Variants in OR2D2 observed in about 807,000 individuals in gnomAD.
OR2D2 encodes the protein olfactory receptor 2D2.
In OR2D2, 20 loss-of-function variants were observed where a neutral mutation model predicts 16.0. The observed-to-expected ratio is 1.25, with a 90% CI of 0.88 to 1.82. OR2D2 has a LOEUF of 1.82. OR2D2 is among the 40% of genes most tolerant of loss of function. The probability of loss-of-function intolerance (pLI) is 0.00; values close to 1 mark genes in which losing one functional copy is unlikely to be tolerated. For synonymous variants in OR2D2, 164 were observed against 143.9 expected, an observed-to-expected ratio of 1.14 and a Z score of -1.00; for missense variants, 409 against 369.3, an observed-to-expected ratio of 1.11 and a Z score of -0.88.
Position 6,891,704 on chromosome 11 carries a change from T to C in OR2D2, c.797A>G (p.Lys266Arg), listed in dbSNP as rs1374892839. Reference sequence around the variant, plus strand: ...AACAGACACCGATTTTTCCTGCTGTTTGGAAGACTTGGGTGTCATGTAAGT... The same window carrying C: ...AACAGACACCGATTTTTCCTGCTGTCTGGAAGACTTGGGTGTCATGTAAGT... ...IITYMTPKSS[K>R]QQEKSVSVFY... Residue 266 changes from lysine (K) to arginine (R), a missense_variant, in exon 1 of 1, where the codon AAA (lysine) becomes AGA (arginine). By Grantham distance (26) the Lys-to-Arg change is conservative (BLOSUM62 2). Transcript: ENST00000299459. 2 of 1,613,596 alleles carry C rather than the reference T, an allele frequency of 1.2e-6. No homozygotes were observed. Among genetic ancestry groups the C allele is most frequent in the Non-Finnish European group, 1.7e-6 (2 of 1,179,796 alleles).
rs1182507020 is a variant in OR2D2 at position 6,891,851 on chromosome 11, G to A, written c.650C>T (p.Ser217Phe). The change falls in exon 1 of 1, where the codon TCC (serine) becomes TTC (phenylalanine). Residue 217 changes from serine to phenylalanine, a missense_variant. By Grantham distance (155) the Ser-to-Phe change is radical. Coordinates refer to ENST00000299459, the MANE Select transcript of OR2D2 (RefSeq NM_003700.1). ...LLIPVFLILV[S>F]YGRIIVTVVK... is the part of the protein sequence containing the mutation. ...CACAGTTACTATGATACGGCCATAG[G>A]ATACCAGAATCAGAAAAACAGGTAT... The A allele has an allele frequency of 2.5e-6, 4 of 1,613,644 alleles. No individual in the cohort carries two copies. The highest frequency in any genetic ancestry group is 3.4e-6 in the Non-Finnish European group (4 of 1,179,862).
chr11:6,891,718 T>C lies in OR2D2; in HGVS notation c.783A>G (p.Thr261=), dbSNP rs745662413. 14 of 1,613,670 alleles carry C rather than the reference T, an allele frequency of 8.7e-6. No individual in the cohort carries two copies. Among genetic ancestry groups the C allele is most frequent in the Non-Finnish European group, 1.2e-5 (14 of 1,179,784 alleles). ...FYGSAIITYM[T]PKSSKQQEKS... ...TTTCCTGCTGTTTGGAAGACTTGGG[T>C]GTCATGTAAGTGATAATTGCTGATC... Residue 261 remains threonine, a synonymous_variant, in exon 1 of 1, where the codon ACA becomes ACG. Transcript: ENST00000299459.
chr11:6,892,272 T>C lies in OR2D2; in HGVS notation c.229A>G (p.Ile77Val), dbSNP rs752084231. Residue 77 changes from isoleucine (I) to valine (V), a missense_variant, in exon 1 of 1, where the codon ATA (isoleucine) becomes GTA (valine). By Grantham distance (29) the Ile-to-Val change is conservative. Transcript: ENST00000299459. The part of the protein sequence containing the change: ...SLADLCFSTN[I>V]VPQALVHLLS... ...AGGTGGACTAGTGCCTGAGGAACTA[T>C]GTTGGTAGAGAAACAGAGGTCAGCC... 4.3e-6 allele frequency: 7 copies of C among 1,613,758 alleles called. No homozygotes were observed. Among genetic ancestry groups the C allele is most frequent in the Non-Finnish European group, 5.9e-6 (7 of 1,179,880 alleles).
Position 6,892,133 on chromosome 11 carries a change from T to C in OR2D2, c.368A>G (p.Tyr123Cys), listed in dbSNP as rs772990687. Residue 123 changes from tyrosine (Y) to cysteine (C), a missense_variant, in exon 1 of 1, where the codon TAT (tyrosine) becomes TGT (cysteine). Transcript: ENST00000299459. ...ALLAVMSYDR[Y>C]VAICNPLRYP... Reference sequence around the variant, plus strand: ...ACGCAGAGGATTGCAGATTGCAACATAGCGATCATAGGACATCACTGCAAG... The same window carrying C: ...ACGCAGAGGATTGCAGATTGCAACACAGCGATCATAGGACATCACTGCAAG... 19 of 1,613,628 alleles carry C rather than the reference T, an allele frequency of 1.2e-5. No individual in the cohort carries two copies. Among genetic ancestry groups the C allele is most frequent in the African/African-American group, 2.7e-5 (2 of 74,856 alleles).
chr11:6,892,083 C>G lies in OR2D2; in HGVS notation c.418G>C (p.Val140Leu). The G allele has an allele frequency of 1.2e-6, 2 of 1,613,866 alleles. No homozygotes were observed. Among genetic ancestry groups the G allele is most frequent in the South Asian group, 1.1e-5 (1 of 91,074 alleles). ...LRYPNIMTWK[V>L]CVQLATGSWT... ...GATCCTGTTGCCAGCTGGACACACA[C>G]TTTCCAGGTCATGATGTTAGGGTAA... Residue 140 changes from valine (V) to leucine (L), a missense_variant, in exon 1 of 1, where the codon GTG (valine) becomes CTG (leucine). By Grantham distance (32) the Val-to-Leu change is conservative (BLOSUM62 1). Coordinates refer to ENST00000299459, the MANE Select transcript of OR2D2 (RefSeq NM_003700.1).
chr11:6,891,621 C>T lies in OR2D2; in HGVS notation c.880G>A (p.Asp294Asn). 2 of 1,613,594 alleles carry T rather than the reference C, an allele frequency of 1.2e-6. No individual in the cohort carries two copies. Among genetic ancestry groups the T allele is most frequent in the South Asian group, 1.1e-5 (1 of 91,058 alleles). The change falls in exon 1 of 1, where the codon GAT becomes AAT. Residue 294 changes from aspartate to asparagine, a missense_variant. Asp to Asn is a conservative substitution (Grantham distance 23). Coordinates refer to ENST00000299459, the MANE Select transcript of OR2D2 (RefSeq NM_003700.1). The stretch of plus-strand genomic sequence containing the variant: ...ACTTTCCTCAGAGCTGCCTTCACAT[C>T]CTTGTTTCTCAGGCTATAGATGAGG... ...NPLIYSLRNK[D>N]VKAALRKVAT...
Position 6,891,940 on chromosome 11 carries a change from T to C in OR2D2, c.561A>G (p.Leu187=). 1.2e-6 allele frequency: 2 copies of C among 1,613,690 alleles called. No homozygotes were observed. Among genetic ancestry groups the C allele is most frequent in the South Asian group, 2.2e-5 (2 of 91,076 alleles). ...CTGATGCATGGGTGTCTGTGGATGC[T>C]AAGATCAATAGTGCAGGGGCCTCAC... The part of the protein sequence containing the change: ...FFCEAPALLI[L]ASTDTHASEM... The change falls in exon 1 of 1, where the codon TTA becomes TTG. Residue 187 remains leucine, a synonymous_variant. Coordinates refer to ENST00000299459, the MANE Select transcript of OR2D2 (RefSeq NM_003700.1).
chr11:6,891,674 T>A lies in OR2D2; in HGVS notation c.827A>T (p.Tyr276Phe). Residue 276 changes from tyrosine (Y) to phenylalanine (F), a missense_variant, in exon 1 of 1, where the codon TAT becomes TTT. Coordinates refer to ENST00000299459, the MANE Select transcript of OR2D2 (RefSeq NM_003700.1). Reference protein sequence around the residue: ...KQQEKSVSVFYAIVTPMLNPL... With the variant: ...KQQEKSVSVFFAIVTPMLNPL... Reference sequence around the variant, plus strand: ...ATTAAGCATGGGAGTCACTATTGCATAGAAAACAGACACCGATTTTTCCTG... The same window carrying A: ...ATTAAGCATGGGAGTCACTATTGCAAAGAAAACAGACACCGATTTTTCCTG... The A allele has an allele frequency of 6.2e-7, 1 of 1,613,176 alleles. No individual in the cohort carries two copies. Among genetic ancestry groups the A allele is most frequent in the Non-Finnish European group, 8.5e-7 (1 of 1,179,766 alleles).
chr11:6,892,379 C>A lies in OR2D2; in HGVS notation c.122G>T (p.Gly41Val). Reference sequence around the variant, plus strand: ...AACAAGGGAGATTAGAAGCAGATTTCCAAGCACAGTGACCAGGTAGACACC... The same window carrying A: ...AACAAGGGAGATTAGAAGCAGATTTACAAGCACAGTGACCAGGTAGACACC... ...LLGVYLVTVL[G>V]NLLLISLVHV... Residue 41 changes from glycine (G) to valine (V), a missense_variant, in exon 1 of 1, where the codon GGA becomes GTA. Transcript: ENST00000299459. 1 of 1,613,620 alleles carries A rather than the reference C, an allele frequency of 6.2e-7. No individual in the cohort carries two copies. The highest frequency in any genetic ancestry group is 8.5e-7 in the Non-Finnish European group (1 of 1,179,784).
At position 6,891,690 on chromosome 11, in the gene OR2D2, A is replaced by AT. The variant is rs10566026; in HGVS notation, c.810dup (p.Ser271IlefsTer14). On this transcript the variant is annotated frameshift_variant, in exon 1 of 1. Transcript: ENST00000299459. LOFTEE classifies it high-confidence loss of function. Reference sequence around the variant, plus strand: ...ACTATTGCATAGAAAACAGACACCGATTTTTCCTGCTGTTTGGAAGACTTG... The same window carrying AT: ...ACTATTGCATAGAAAACAGACACCGATTTTTTCCTGCTGTTTGGAAGACTTG... 6.2e-7 allele frequency: 1 copy of AT among 1,613,560 alleles called. No homozygotes were observed. The highest frequency in any genetic ancestry group is 8.5e-7 in the Non-Finnish European group (1 of 1,179,790).
chr11:6,892,321 A>AAC lies in OR2D2; in HGVS notation c.179_180insGT (p.Tyr60Ter). ...CCAGAGACAAGTTGCAGAGAAAAAA[A>AAC]TACATGGGTGTGTGAAGTTGGGAGT... The part of the protein sequence containing the change: ...HVDSQLHTPM[Y>*]FFLCNLSLAD... Residue 60 changes from tyrosine (Y) to a stop codon, truncating the protein, a stop_gained and frameshift_variant, in exon 1 of 1, where the codon TAT (tyrosine) becomes TAGTT (stop). Transcript: ENST00000299459. LOFTEE classifies it high-confidence loss of function. 6.2e-7 allele frequency: 1 copy of AAC among 1,613,760 alleles called. No individual in the cohort carries two copies. The highest frequency in any genetic ancestry group is 8.5e-7 in the Non-Finnish European group (1 of 1,179,826).
chr11:6,891,724 G>A lies in OR2D2; in HGVS notation c.777C>T (p.Tyr259=), dbSNP rs761025081. 6.2e-6 allele frequency: 10 copies of A among 1,613,774 alleles called. No individual in the cohort carries two copies. The highest frequency in any genetic ancestry group is 1.6e-4 in the Middle Eastern group (1 of 6,062). Residue 259 remains tyrosine (Y), a synonymous_variant, in exon 1 of 1, where the codon TAC becomes TAT. Transcript: ENST00000299459. ...GCTGTTTGGAAGACTTGGGTGTCATGTAAGTGATAATTGCTGATCCATAAA... is the reference window on the plus strand; with the variant it reads ...GCTGTTTGGAAGACTTGGGTGTCATATAAGTGATAATTGCTGATCCATAAA... ...ILFYGSAIIT[Y]MTPKSSKQQE...
chr11:6,892,422 G>T lies in OR2D2; in HGVS notation c.79C>A (p.Leu27Ile). The T allele has an allele frequency of 6.2e-7, 1 of 1,613,768 alleles. No individual in the cohort carries two copies. The highest frequency in any genetic ancestry group is 2.2e-5 in the East Asian group (1 of 44,864). Residue 27 changes from leucine (L) to isoleucine (I), a missense_variant, in exon 1 of 1, where the codon CTA becomes ATA. Leu to Ile is a conservative substitution (Grantham distance 5). Coordinates refer to ENST00000299459, the MANE Select transcript of OR2D2 (RefSeq NM_003700.1). ...TAGACACCCAATAATACGATAAATA[G>T]CAGCTGCTCGGTGTGTGGCCCATCA... ...LSDGPHTEQL[L>I]FIVLLGVYLV... is the part of the protein sequence containing the mutation.
In OR2D2 at chr11:6,892,101, T is replaced by TA; in HGVS notation, c.399dup (p.Asn134Ter). 1 of 1,613,760 alleles carries TA rather than the reference T, an allele frequency of 6.2e-7. No individual in the cohort carries two copies. The highest frequency in any genetic ancestry group is 8.5e-7 in the Non-Finnish European group (1 of 1,179,840). ...ACACACACTTTCCAGGTCATGATGT[T>TA]AGGGTAACGCAGAGGATTGCAGATT... is the stretch of plus-strand genomic sequence containing the variant. On this transcript the variant is annotated frameshift_variant, in exon 1 of 1. Transcript: ENST00000299459. LOFTEE classifies it high-confidence loss of function.
chr11:6,891,774 A>G lies in OR2D2; in HGVS notation c.727T>C (p.Ser243Pro), dbSNP rs1199198804. 1.9e-6 allele frequency: 3 copies of G among 1,613,804 alleles called. No homozygotes were observed. Among genetic ancestry groups the G allele is most frequent in the Non-Finnish European group, 2.5e-6 (3 of 1,179,812 alleles). ...AAAAGTATGACCACCATGAGGTGGG[A>G]GCCACAGGTAGAAAATGCCTTGAGA... is the stretch of plus-strand genomic sequence containing the variant. ...GSLKAFSTCG[S>P]HLMVVILFYG... Residue 243 changes from serine to proline, a missense_variant, in exon 1 of 1, where the codon TCC becomes CCC. Coordinates refer to ENST00000299459, the MANE Select transcript of OR2D2 (RefSeq NM_003700.1).
chr11:6,891,740 G>C lies in OR2D2; in HGVS notation c.761C>G (p.Ser254Ter). 4 of 1,613,746 alleles carry C rather than the reference G, an allele frequency of 2.5e-6. No homozygotes were observed. Among genetic ancestry groups the C allele is most frequent in the Non-Finnish European group, 3.4e-6 (4 of 1,179,828 alleles). The change falls in exon 1 of 1, where the codon TCA becomes TGA. Residue 254 changes from serine to a stop codon, truncating the protein, a stop_gained. Transcript: ENST00000299459. LOFTEE classifies it high-confidence loss of function. The stretch of plus-strand genomic sequence containing the variant: ...GGGTGTCATGTAAGTGATAATTGCT[G>C]ATCCATAAAAAAGTATGACCACCAT... ...HLMVVILFYGSAIITYMTPKS... is the reference protein window; with the variant it reads ...HLMVVILFYG
Position 6,892,268 on chromosome 11 carries a change from A to T in OR2D2, c.233T>A (p.Val78Asp). 1 of 1,613,888 alleles carries T rather than the reference A, an allele frequency of 6.2e-7. No homozygotes were observed. The highest frequency in any genetic ancestry group is 8.5e-7 in the Non-Finnish European group (1 of 1,179,866). Residue 78 changes from valine (V) to aspartate (D), a missense_variant, in exon 1 of 1, where the codon GTT (valine) becomes GAT (aspartate). Val to Asp is a radical substitution (Grantham distance 152). Coordinates refer to ENST00000299459, the MANE Select transcript of OR2D2 (RefSeq NM_003700.1). ...AAGCAGGTGGACTAGTGCCTGAGGA[A>T]CTATGTTGGTAGAGAAACAGAGGTC... ...LADLCFSTNIVPQALVHLLSR... is the reference protein window; with the variant it reads ...LADLCFSTNIDPQALVHLLSR...
Position 6,891,753 on chromosome 11 carries a change from G to C in OR2D2, c.748C>G (p.Leu250Val). The part of the protein sequence containing the change: ...TCGSHLMVVI[L>V]FYGSAIITYM... ...GTGATAATTGCTGATCCATAAAAAA[G>C]TATGACCACCATGAGGTGGGAGCCA... is the stretch of plus-strand genomic sequence containing the variant. Residue 250 changes from leucine to valine, a missense_variant, in exon 1 of 1, where the codon CTT becomes GTT. By Grantham distance (32) the Leu-to-Val change is conservative. Transcript: ENST00000299459. 1.9e-6 allele frequency: 3 copies of C among 1,613,742 alleles called. No homozygotes were observed. Among genetic ancestry groups the C allele is most frequent in the Non-Finnish European group, 2.5e-6 (3 of 1,179,824 alleles).
At position 6,891,817 on chromosome 11, in the gene OR2D2, C is replaced by T; in HGVS notation, c.684G>A (p.Met228Ile). 6.2e-7 allele frequency: 1 copy of T among 1,613,788 alleles called. No homozygotes were observed. Among genetic ancestry groups the T allele is most frequent in the Non-Finnish European group, 8.5e-7 (1 of 1,179,844 alleles). The change falls in exon 1 of 1, where the codon ATG becomes ATA. Residue 228 changes from methionine (M) to isoleucine (I), a missense_variant. Physicochemically the swap from Met to Ile is conservative, Grantham distance 10. Coordinates refer to ENST00000299459, the MANE Select transcript of OR2D2 (RefSeq NM_003700.1). ...YGRIIVTVVK[M>I]KSTVGSLKAF... is the part of the protein sequence containing the mutation. ...CCTTGAGACTCCCCACAGTTGACTT[C>T]ATCTTGACCACAGTTACTATGATAC...
Sources: allele counts gnomAD v4.1 joint callset, GRCh38; gene constraint gnomAD v4.1.1; transcripts MANE v1.5; gene names NCBI Gene and HGNC (gene_info 2026-07-23, HGNC 2026-07-21).